Variants in PARP8 observed in about 807,000 individuals in gnomAD.
PARP8 encodes poly(ADP-ribose) polymerase family member 8, also known as protein mono-ADP-ribosyltransferase PARP8.
PARP8 carries 51 observed loss-of-function variants against 124.1 expected under a neutral mutation model. The observed-to-expected ratio is 0.41, with a 90% CI of 0.33 to 0.52. PARP8 has a LOEUF of 0.52. Among genes scored for constraint, PARP8 ranks in the 20% least tolerant of loss-of-function variants. The pLI is 0.21. For synonymous variants in PARP8, 391 were observed against 361.5 expected, an observed-to-expected ratio of 1.08 and a Z score of -0.93; for missense variants, 860 against 1,018.9, an observed-to-expected ratio of 0.84 and a Z score of 2.12.
At chr5:50,802,924 T>C (rs1580393621) in intron 14 of PARP8, among the ~76,000 whole-genome samples, 1 of 152,240 alleles carries the variant, frequency 6.6e-6, no homozygotes, top group Admixed American at 6.5e-5. Context: ...TTTATCTCTT[T>C]ATGTGGACTA....
At chr5:50,693,221 G>A (rs1202231762) in intron 2 of PARP8, among the ~76,000 whole-genome samples, 1 of 152,182 alleles carries the variant, frequency 6.6e-6, no homozygotes, top group African/African-American at 2.4e-5. Context: ...CTCAAGTAAA[G>A]TTTGAATTAG....
At chr5:50,673,348 TTTA>T (rs1327750246) in intron 2 of PARP8, among the ~76,000 whole-genome samples, 1 of 152,212 alleles carries the variant, frequency 6.6e-6, no homozygotes, top group Non-Finnish European at 1.5e-5. Context: ...TAAGTATAAC[TTTA>T]TTGAGTTTTT....
chr5:50,834,841 G>C, intron 24 of PARP8, 90 bp from the exon 25 acceptor site: 1 of 1,118,764 alleles, frequency 8.9e-7, no homozygotes, highest in Non-Finnish European at 1.3e-6. Flanking sequence ...TTTTGCTTTA[G>C]ATTTCAACGA....
At chr5:50,803,281 C>T (rs939236002) in intron 14 of PARP8, among the ~76,000 whole-genome samples, 2 of 152,066 alleles carry the variant, frequency 1.3e-5, no homozygotes, top group Admixed American at 6.6e-5. Context: ...TGGTTTTTGG[C>T]GTCTGGATTT....
intron 15 of PARP8, among the ~76,000 whole-genome samples, chr5:50,818,832 A>G (rs1300360544): frequency 1.3e-5 from 2 of 152,258 alleles, no homozygotes; most frequent in South Asian, 2.1e-4. Context: ...AATCACGGGC[A>G]GCTTAACATG....
At chr5:50,675,334 C>T (rs1399060745) in intron 2 of PARP8, among the ~76,000 whole-genome samples, 3 of 152,094 alleles carry the variant, frequency 2.0e-5, no homozygotes, top group African/African-American at 4.8e-5. Context: ...ATGGAGTTTT[C>T]GCTCTTGTTG....
chr5:50,669,624 A>G (rs776395898), intron 2 of PARP8: 4 of 152,232 alleles, frequency 2.6e-5, no homozygotes, highest in Non-Finnish European at 5.9e-5. Context: ...ACTGCAGTTA[A>G]GATTCTTTAT....
intron 2 of PARP8, among the ~76,000 whole-genome samples, chr5:50,685,435 C>G (rs1443735163): frequency 6.6e-6 from 1 of 152,182 alleles, no homozygotes; most frequent in Non-Finnish European, 1.5e-5. Flanking sequence ...ACAACTCCTG[C>G]AGTTCTTCCT....
intron 2 of PARP8, among the ~76,000 whole-genome samples, chr5:50,739,709 C>CATAT (rs372997958): frequency 6.6e-4 from 67 of 101,010 alleles, no homozygotes; most frequent in African/African-American, 2.4e-3. Context: ...TGGGTATATA[C>CATAT]ATATATATAT....
chr5:50,774,707 C>T (rs191616045), intron 7 of PARP8, among the ~76,000 whole-genome samples: 1,402 of 128,740 alleles, frequency 0.011, 21 homozygotes, highest in Middle Eastern at 0.03. Flanking sequence ...ACTTCCCAGA[C>T]GGGGCGGTGG....
At chr5:50,730,750 TA>T (rs1394313375) in intron 2 of PARP8, among the ~76,000 whole-genome samples, 4 of 152,254 alleles carry the variant, frequency 2.6e-5, no homozygotes, top group African/African-American at 9.6e-5. Context: ...ATTTTTGTTA[TA>T]TTTTAAGTGA....
intron 7 of PARP8, among the ~76,000 whole-genome samples, chr5:50,772,664 A>T (rs570958149): frequency 6.6e-6 from 1 of 152,078 alleles, no homozygotes; most frequent in East Asian, 1.9e-4. Context: ...AGAAATGCAC[A>T]TTCGGGTCTT....
chr5:50,775,372 C>T (rs558717977), intron 7 of PARP8, among the ~76,000 whole-genome samples: 5 of 152,182 alleles, frequency 3.3e-5, no homozygotes, highest in African/African-American at 7.2e-5. Context: ...CCGGCCAACA[C>T]GGTGAAACCC....
intron 15 of PARP8, among the ~76,000 whole-genome samples, chr5:50,816,911 T>C (rs1440160889): frequency 6.6e-6 from 1 of 152,178 alleles, no homozygotes; most frequent in Non-Finnish European, 1.5e-5. Flanking sequence ...AAAGGTACTT[T>C]AATATGTATG....
In PARP8 at chr5:50,739,446, G is replaced by A. The variant is rs947164726; in HGVS notation, c.147-10705G>A. Among the ~76,000 whole-genome samples, 23 of 151,774 alleles carry A rather than the reference G, an allele frequency of 1.5e-4. 1 individual carries two copies. The highest frequency in any genetic ancestry group is 3.9e-4 in the Admixed American group (6 of 15,224). ...ATCATTTTTTTGATCATCTCCTCTCGCTACATCAGCTGCATTCTTCCATAT... is the reference window on the plus strand; with the variant it reads ...ATCATTTTTTTGATCATCTCCTCTCACTACATCAGCTGCATTCTTCCATAT... On this transcript the variant is annotated intron_variant, in intron 2 of 25. Transcript: ENST00000281631.
intron 2 of PARP8, among the ~76,000 whole-genome samples, chr5:50,728,299 G>A (rs1192317803): frequency 6.6e-6 from 1 of 152,116 alleles, no homozygotes; most frequent in Non-Finnish European, 1.5e-5. Context: ...GTGATGAATT[G>A]ATGCTATTGC....
intron 2 of PARP8, among the ~76,000 whole-genome samples, chr5:50,699,990 G>A (rs1187370559): frequency 6.6e-6 from 1 of 152,122 alleles, no homozygotes; most frequent in Non-Finnish European, 1.5e-5. Context: ...CATGGAACCT[G>A]TCTTCATTTA....
chr5:50,790,161 G>C (rs1344840512), intron 10 of PARP8, among the ~76,000 whole-genome samples: 1 of 152,076 alleles, frequency 6.6e-6, no homozygotes, highest in African/African-American at 2.4e-5. Flanking sequence ...TATAAAATTA[G>C]ATAATAAACC....
chr5:50,760,191 A>G (rs1279444052), intron 4 of PARP8, 101 bp from the exon 5 acceptor site: 1 of 1,019,550 alleles, frequency 9.8e-7, no homozygotes, highest in Non-Finnish European at 1.3e-6. Context: ...TTCAGAGGAG[A>G]TGGAATCACC....
Sources: gnomAD v4.1 joint callset for allele counts (sites outside exome capture counted in the v4.1 genomes callset) on GRCh38, gnomAD v4.1.1 for gene constraint, MANE v1.5 for transcripts, NCBI Gene and HGNC (gene_info 2026-07-23, HGNC 2026-07-21) for gene names.